The following WDSUB1 variants were observed in gnomAD, a reference collection of about 807,000 sequenced individuals.
WDSUB1 encodes WD repeat, sterile alpha motif and U-box domain containing 1.
A neutral mutation model predicts 53.9 loss-of-function variants in WDSUB1; 49 were observed. The observed-to-expected ratio is 0.91, with a 90% CI of 0.72 to 1.15. The LOEUF (loss-of-function observed/expected upper bound fraction) is 1.15. Among genes scored for constraint, WDSUB1 ranks in the 50% most tolerant of loss-of-function variants. WDSUB1 has a pLI of 0.00. For synonymous variants in WDSUB1, 194 were observed against 200.6 expected, an observed-to-expected ratio of 0.97 and a Z score of 0.28; for missense variants, 514 against 562.0, an observed-to-expected ratio of 0.91 and a Z score of 0.86.
intron 5 of WDSUB1, among the ~76,000 whole-genome samples, chr2:159,265,314 CACA>C (rs2061320111): frequency 6.6e-6 from 1 of 151,154 alleles, no homozygotes; most frequent in Admixed American, 6.6e-5. Context: ...CACACACACA[CACA>C]CTCACTCTCT....
chr2:159,251,730 T>C lies in WDSUB1; in HGVS notation c.1133-3218A>G, dbSNP rs184335774. On this transcript the variant is annotated intron_variant, in intron 9 of 10. Transcript: ENST00000359774. ...AGTTAAAATCACCCAACTCTGGAAA[T>C]GCTACATCACTGAGAGTTTGATGGA... 6.8e-4 allele frequency among the ~76,000 whole-genome samples: 104 copies of C among 152,310 alleles called. 1 individual carries two copies. Among genetic ancestry groups the C allele is most frequent in the African/African-American group, 2.3e-3 (97 of 41,550 alleles).
intron 9 of WDSUB1, among the ~76,000 whole-genome samples, chr2:159,255,088 C>T (rs1160478043): frequency 6.6e-6 from 1 of 152,146 alleles, no homozygotes; most frequent in African/African-American, 2.4e-5. Context: ...TGTGATCGCA[C>T]CACTGCACTC....
At chr2:159,246,152 G>A (rs1444693572) in intron 10 of WDSUB1, among the ~76,000 whole-genome samples, 1 of 152,272 alleles carries the variant, frequency 6.6e-6, no homozygotes, top group African/African-American at 2.4e-5. Context: ...ACAATAAGAG[G>A]CCGGGTACAG....
At chr2:159,246,367 G>T (rs1048418796) in intron 10 of WDSUB1, among the ~76,000 whole-genome samples, 19 of 148,966 alleles carry the variant, frequency 1.3e-4, no homozygotes, top group African/African-American at 4.7e-4. Context: ...GAGAGGCGGA[G>T]CTTGCAGTGA....
At chr2:159,258,909 A>C (rs1414565350) in intron 6 of WDSUB1, among the ~76,000 whole-genome samples, 2 of 152,222 alleles carry the variant, frequency 1.3e-5, no homozygotes, top group Non-Finnish European at 2.9e-5. Flanking sequence ...AGACTAGCTT[A>C]CATCACTTGC....
At chr2:159,247,906 TATAA>T (rs1193000884) in intron 10 of WDSUB1, among the ~76,000 whole-genome samples, 15 of 17,980 alleles carry the variant, frequency 8.3e-4, no homozygotes, top group Non-Finnish European at 1.4e-3. Context: ...TATATATATA[TATAA>T]ATATATATAT....
rs779567847 is a variant in WDSUB1 at position 159,282,744 on chromosome 2, G to C, written c.326C>G (p.Ser109Cys). The C allele has an allele frequency of 5.0e-6, 8 of 1,614,142 alleles. No individual in the cohort carries two copies. Among genetic ancestry groups the C allele is most frequent in the Non-Finnish European group, 5.9e-6 (7 of 1,180,028 alleles). Residue 109 changes from serine to cysteine, a missense_variant, in exon 2 of 11, where the codon TCC becomes TGC. Physicochemically the swap from Ser to Cys is moderately radical, Grantham distance 112 (BLOSUM62 -1). Coordinates refer to ENST00000359774, the MANE Select transcript of WDSUB1 (RefSeq NM_001128212.3). ...AGCTGCCCCTGATGCCAAACACGTG[G>C]AGTCTGGGGAAAACTGGCAAACCCT... ...PVRVCQFSPD[S>C]TCLASGAADG...
intron 3 of WDSUB1, among the ~76,000 whole-genome samples, chr2:159,277,487 T>C (rs963429163): frequency 6.6e-6 from 1 of 152,218 alleles, no homozygotes; most frequent in African/African-American, 2.4e-5. Context: ...CAGGTTAAAA[T>C]GTGCTTATGT....
intron 5 of WDSUB1, among the ~76,000 whole-genome samples, chr2:159,271,453 T>C (rs2061441988): frequency 6.6e-6 from 1 of 152,170 alleles, no homozygotes; most frequent in East Asian, 1.9e-4. Flanking sequence ...CCTGACAAAA[T>C]AATTCATATT....
intron 10 of WDSUB1, among the ~76,000 whole-genome samples, chr2:159,238,904 CCTCAGCATGCTCCACCTGCCATT>C (rs2060563932): frequency 6.6e-6 from 1 of 152,114 alleles, no homozygotes; most frequent in Non-Finnish European, 1.5e-5. Context: ...TCTTCCTACC[CCTCAGCATGCTCCACCTGCCATT>C]ATACTTTCAC....
intron 1 of WDSUB1, among the ~76,000 whole-genome samples, chr2:159,283,404 G>A (rs2061719962): frequency 6.6e-6 from 1 of 152,074 alleles, no homozygotes; most frequent in African/African-American, 2.4e-5. Flanking sequence ...GTGGATGCCT[G>A]GAGCCCCAGC....
At chr2:159,261,156 A>G (rs993093638) in intron 5 of WDSUB1, among the ~76,000 whole-genome samples, 3 of 152,268 alleles carry the variant, frequency 2.0e-5, no homozygotes, top group African/African-American at 7.2e-5. Context: ...GAAATAGGAA[A>G]AAAATAACAA....
At chr2:159,244,123 T>G (rs754441836) in intron 10 of WDSUB1, among the ~76,000 whole-genome samples, 13 of 152,308 alleles carry the variant, frequency 8.5e-5, no homozygotes, top group Non-Finnish European at 1.5e-4. Flanking sequence ...ATTATCATAC[T>G]TAATGGTGAA....
At chr2:159,267,532 TG>T (rs2061368712) in intron 5 of WDSUB1, among the ~76,000 whole-genome samples, 1 of 152,154 alleles carries the variant, frequency 6.6e-6, no homozygotes, top group Non-Finnish European at 1.5e-5. Flanking sequence ...CTCAAACTCC[TG>T]GCCTCAAGTG....
chr2:159,279,162 G>A (rs16843863), intron 3 of WDSUB1, among the ~76,000 whole-genome samples: 1 of 152,056 alleles, frequency 6.6e-6, no homozygotes, highest in African/African-American at 2.4e-5. Context: ...ACTGCAGGGG[G>A]ACAAAAGCTA....
At chr2:159,261,218 G>A (rs2061181637) in intron 5 of WDSUB1, among the ~76,000 whole-genome samples, 1 of 152,100 alleles carries the variant, frequency 6.6e-6, no homozygotes, top group South Asian at 2.1e-4. Flanking sequence ...CCCTTACATT[G>A]TATTAGGTAT....
intron 10 of WDSUB1, among the ~76,000 whole-genome samples, chr2:159,236,864 A>C (rs1313039795): frequency 3.9e-5 from 6 of 151,976 alleles, no homozygotes; most frequent in African/African-American, 1.4e-4. Flanking sequence ...CAGGTGATTC[A>C]CCCACCTTGG....
intron 3 of WDSUB1, among the ~76,000 whole-genome samples, chr2:159,276,139 G>A (rs1046136184): frequency 1.6e-4 from 24 of 151,154 alleles, no homozygotes; most frequent in Admixed American, 4.6e-4. Flanking sequence ...GCAGCTCACC[G>A]CAACCTCCAC....
intron 5 of WDSUB1, among the ~76,000 whole-genome samples, chr2:159,265,745 A>G (rs1231574338): frequency 6.6e-6 from 1 of 152,174 alleles, no homozygotes; most frequent in East Asian, 1.9e-4. Flanking sequence ...ACAGCGGCTG[A>G]TATATATAAT....
Sources: allele counts gnomAD v4.1 joint callset (sites outside exome capture counted in the v4.1 genomes callset), GRCh38; gene constraint gnomAD v4.1.1; transcripts MANE v1.5; gene names NCBI Gene and HGNC (gene_info 2026-07-23, HGNC 2026-07-21).